Variants in FRMD4A observed in about 807,000 individuals in gnomAD.
FRMD4A encodes the protein FERM domain containing 4A, also known as FERM domain-containing protein 4A.
A neutral mutation model predicts 129.1 loss-of-function variants in FRMD4A; 29 were observed. The ratio of observed to expected loss-of-function variants is 0.22; its 90% CI spans 0.17 to 0.31. The LOEUF (loss-of-function observed/expected upper bound fraction) is 0.31. Ranked by LOEUF, FRMD4A falls within the 10% of genes least tolerant of loss-of-function variation. The pLI is 1.00. For missense variants in FRMD4A, 1,272 were observed against 1,375.8 expected (o/e 0.92, Z 1.19); for synonymous variants, 634 against 571.6 (o/e 1.11, Z -1.56).
At chr10:14,036,206 G>T (rs1833495845) in intron 2 of FRMD4A, among the ~76,000 whole-genome samples, 1 of 152,144 alleles carries the variant, frequency 6.6e-6, no homozygotes, top group African/African-American at 2.4e-5. Context: ...ACTTCTGGTG[G>T]TGACCTCGGA....
chr10:14,279,795 G>T (rs138983017), intron 2 of FRMD4A, among the ~76,000 whole-genome samples: 33 of 152,308 alleles, frequency 2.2e-4, no homozygotes, highest in African/African-American at 7.0e-4. Context: ...ATCATTCACT[G>T]CATCTCAAAG....
At chr10:13,952,843 C>A (rs569716927) in intron 2 of FRMD4A, among the ~76,000 whole-genome samples, 1 of 152,150 alleles carries the variant, frequency 6.6e-6, no homozygotes, top group East Asian at 1.9e-4. Flanking sequence ...ATGGTGCCCA[C>A]CACCATGTCG....
chr10:14,152,518 T>C (rs906698548), intron 2 of FRMD4A, among the ~76,000 whole-genome samples: 2 of 152,176 alleles, frequency 1.3e-5, no homozygotes, highest in African/African-American at 4.8e-5. Flanking sequence ...GTTGGTTGCA[T>C]TGACCAAGAG....
chr10:14,038,875 G>C (rs1364314666), intron 2 of FRMD4A, among the ~76,000 whole-genome samples: 1 of 152,096 alleles, frequency 6.6e-6, no homozygotes, highest in East Asian at 1.9e-4. Flanking sequence ...AATCTGATTA[G>C]GTTTCTATGT....
chr10:14,273,401 C>CA (rs1238500616), intron 2 of FRMD4A, among the ~76,000 whole-genome samples: 4 of 152,146 alleles, frequency 2.6e-5, no homozygotes, highest in African/African-American at 9.7e-5. Context: ...TTCAAACATT[C>CA]AACTTTCATC....
chr10:14,139,392 A>G (rs971460477), intron 2 of FRMD4A, among the ~76,000 whole-genome samples: 5 of 152,276 alleles, frequency 3.3e-5, no homozygotes, highest in South Asian at 4.1e-4. Context: ...GTCCTTATCT[A>G]TATTGAACAT....
intron 2 of FRMD4A, among the ~76,000 whole-genome samples, chr10:14,200,375 C>A (rs1366950073): frequency 1.4e-5 from 2 of 139,044 alleles, no homozygotes; most frequent in Admixed American, 6.8e-5. Context: ...CTCACTGCAA[C>A]CTCCGCCTCC....
intron 2 of FRMD4A, among the ~76,000 whole-genome samples, chr10:14,265,808 C>T (rs1470266312): frequency 2.6e-5 from 4 of 152,256 alleles, no homozygotes; most frequent in South Asian, 4.2e-4. Context: ...TGTGACTGCC[C>T]CTGTATGTAC....
intron 2 of FRMD4A, among the ~76,000 whole-genome samples, chr10:13,942,910 C>T (rs931742785): frequency 4.0e-5 from 6 of 150,604 alleles, no homozygotes; most frequent in East Asian, 2.0e-4. Context: ...TCTAGCCTGG[C>T]GAAAGAGTGA....
chr10:13,754,950 C>G (rs566891058), intron 8 of FRMD4A, among the ~76,000 whole-genome samples: 2 of 152,048 alleles, frequency 1.3e-5, no homozygotes, highest in African/African-American at 4.8e-5. Context: ...GATCTAATAA[C>G]GATTTGAAAC....
chr10:14,036,886 G>A (rs1833527756), intron 2 of FRMD4A, among the ~76,000 whole-genome samples: 1 of 152,098 alleles, frequency 6.6e-6, no homozygotes, highest in African/African-American at 2.4e-5. Context: ...GTGCCCAGTT[G>A]GGAGCAACCC....
chr10:13,853,759 G>A (rs565429842), intron 3 of FRMD4A, among the ~76,000 whole-genome samples: 116 of 141,704 alleles, frequency 8.2e-4, no homozygotes, highest in South Asian at 3.2e-3. Context: ...TTGAACCCAG[G>A]AAGTGGAGGT....
intron 15 of FRMD4A, among the ~76,000 whole-genome samples, chr10:13,683,433 C>T (rs980223852): frequency 1.3e-5 from 2 of 148,462 alleles, no homozygotes; most frequent in Non-Finnish European, 3.0e-5. Flanking sequence ...AAAAAAAAAA[C>T]AAAAAATAAA....
intron 2 of FRMD4A, chr10:14,083,054 T>C (rs1836021073): frequency 6.6e-6 from 1 of 152,204 alleles, no homozygotes; most frequent in South Asian, 2.1e-4. Flanking sequence ...AGATTTGAAG[T>C]TGGGTCTGTC....
intron 2 of FRMD4A, among the ~76,000 whole-genome samples, chr10:14,144,318 G>C (rs1040817291): frequency 9.2e-5 from 14 of 152,190 alleles, no homozygotes; most frequent in African/African-American, 3.4e-4. Context: ...GCAAGAAAGA[G>C]GAGAGGGGAG....
intron 2 of FRMD4A, among the ~76,000 whole-genome samples, chr10:14,319,367 T>TCTCTCTCTCTCTCTCTCACACACA (rs112041665): frequency 4.1e-5 from 6 of 145,050 alleles, no homozygotes; most frequent in African/African-American, 1.3e-4. Flanking sequence ...TCTCTCTCTC[T>TCTCTCTCTCTCTCTCTCACACACA]CACACACACA....
At chr10:13,863,025 G>A (rs909068974) in intron 2 of FRMD4A, among the ~76,000 whole-genome samples, 2 of 150,526 alleles carry the variant, frequency 1.3e-5, no homozygotes, top group Non-Finnish European at 2.9e-5. Context: ...AAATCCTTTA[G>A]AGAACAAGGC....
intron 2 of FRMD4A, among the ~76,000 whole-genome samples, chr10:14,124,943 C>T (rs1838750591): frequency 6.6e-6 from 1 of 152,160 alleles, no homozygotes; most frequent in Non-Finnish European, 1.5e-5. Flanking sequence ...TGGTTACAGA[C>T]AGCATTTGGA....
chr10:13,689,311 G>C (rs146789289), intron 15 of FRMD4A, among the ~76,000 whole-genome samples: 8 of 149,326 alleles, frequency 5.4e-5, no homozygotes, highest in Non-Finnish European at 1.0e-4. Context: ...TTACAGTGTT[G>C]TGACATGGCT....
Sources: gnomAD v4.1 joint callset for allele counts (sites outside exome capture counted in the v4.1 genomes callset) on GRCh38, gnomAD v4.1.1 for gene constraint, MANE v1.5 for transcripts, NCBI Gene and HGNC (gene_info 2026-07-23, HGNC 2026-07-21) for gene names.